SPON1: variants seen among roughly 807,000 people sequenced by gnomAD.
The protein encoded by SPON1 is spondin 1.
A neutral mutation model predicts 111.7 loss-of-function variants in SPON1; 52 were observed. That is an observed-to-expected ratio of 0.47 (90% CI 0.37 to 0.59). SPON1 has a LOEUF of 0.59. Ranked by LOEUF, SPON1 falls within the 20% of genes least tolerant of loss-of-function variation. The pLI, the probability that SPON1 is intolerant of heterozygous loss-of-function variation, is 0.00. For synonymous variants in SPON1, 410 were observed against 395.8 expected (o/e 1.04, Z -0.43); for missense variants, 957 against 1,068.5 (o/e 0.90, Z 1.46).
At position 14,079,989 on chromosome 11, in the gene SPON1, G is replaced by T; in HGVS notation, c.644G>T (p.Trp215Leu). 1.2e-6 allele frequency: 2 copies of T among 1,613,918 alleles called. No individual in the cohort carries two copies. The highest frequency in any genetic ancestry group is 1.7e-6 in the Non-Finnish European group (2 of 1,179,876). ...AKYRLTFYGN[W>L]SEKTHPKDYP... ...TACAGACTCACATTTTATGGGAATT[G>T]GTCCGAGAAGACACACCCAAAGGAT... Residue 215 changes from tryptophan (W) to leucine (L), a missense_variant, in exon 5 of 16, where the codon TGG (tryptophan) becomes TTG (leucine). By Grantham distance (61) the Trp-to-Leu change is moderately conservative. Coordinates refer to ENST00000576479, the MANE Select transcript of SPON1 (RefSeq NM_006108.4).
chr11:14,233,841 C>A (rs7124139), intron 6 of SPON1, among the ~76,000 whole-genome samples: 2 of 146,860 alleles, frequency 1.4e-5, no homozygotes, highest in Admixed American at 7.0e-5. Flanking sequence ...CAGCTCACTG[C>A]GACCTCTGCC....
chr11:14,164,629 A>T (rs566686455), intron 6 of SPON1, among the ~76,000 whole-genome samples: 6 of 152,332 alleles, frequency 3.9e-5, no homozygotes, highest in Non-Finnish European at 8.8e-5. Flanking sequence ...CATCTTGCCC[A>T]CTGCCTAGAT....
Position 14,187,067 on chromosome 11 carries a change from G to A in SPON1, c.825+51499G>A, listed in dbSNP as rs117028899. 4.4e-3 allele frequency among the ~76,000 whole-genome samples: 665 copies of A among 152,294 alleles called. 28 individuals are homozygous for A. The East Asian group carries it at 0.11, about 25-fold the overall frequency. The stretch of plus-strand genomic sequence containing the variant: ...TGGCATCTGCTCGGCTTCCGGTGAG[G>A]TCTCAGGAAGCTTTTACTCATGACG... On this transcript the variant is annotated intron_variant, in intron 6 of 15. Transcript: ENST00000576479.
rs150482730 is a variant in SPON1 at position 14,217,062 on chromosome 11, G to A, written c.826-26270G>A. ...AAGCCATTCCCTAGGAGAAGGTGGCGTGCGTCATAGGTGTTTGCTGGACTT... is the reference window on the plus strand; with the variant it reads ...AAGCCATTCCCTAGGAGAAGGTGGCATGCGTCATAGGTGTTTGCTGGACTT... On this transcript the variant is annotated intron_variant, in intron 6 of 15. Coordinates refer to ENST00000576479, the MANE Select transcript of SPON1 (RefSeq NM_006108.4). 4.6e-3 allele frequency among the ~76,000 whole-genome samples: 693 copies of A among 152,280 alleles called. 2 individuals are homozygous for A. Among genetic ancestry groups the A allele is most frequent in the Non-Finnish European group, 7.6e-3 (518 of 68,030 alleles).
chr11:14,261,237 T>G (rs1290903459), intron 14 of SPON1, among the ~76,000 whole-genome samples: 3 of 152,090 alleles, frequency 2.0e-5, no homozygotes, highest in Non-Finnish European at 2.9e-5. Context: ...CCCGCTCCAC[T>G]CCCAGTCCTG....
At chr11:14,117,624 G>A (rs1312642781) in intron 5 of SPON1, among the ~76,000 whole-genome samples, 3 of 152,140 alleles carry the variant, frequency 2.0e-5, no homozygotes, top group African/African-American at 4.8e-5. Flanking sequence ...AAGAGATTGG[G>A]CTTCCATCTT....
intron 6 of SPON1, among the ~76,000 whole-genome samples, chr11:14,137,505 C>T (rs1554928228): frequency 6.6e-6 from 1 of 152,124 alleles, no homozygotes; most frequent in East Asian, 1.9e-4. Context: ...CTACTTTTCG[C>T]CCCCCTCACA....
At chr11:14,036,463 C>T (rs1274400638) in intron 2 of SPON1, among the ~76,000 whole-genome samples, 1 of 152,070 alleles carries the variant, frequency 6.6e-6, no homozygotes, top group Non-Finnish European at 1.5e-5. Context: ...TTCCGACTTG[C>T]ACAATTGGAG....
At position 13,970,618 on chromosome 11, in the gene SPON1, T is replaced by TC. The variant is rs537741858; in HGVS notation, c.238+7482dup. Among the ~76,000 whole-genome samples, 76 of 152,144 alleles carry TC rather than the reference T, an allele frequency of 5.0e-4. 1 individual carries two copies. The South Asian group carries it at 0.016, about 31-fold the overall frequency. On this transcript the variant is annotated intron_variant, in intron 1 of 15. Coordinates refer to ENST00000576479, the MANE Select transcript of SPON1 (RefSeq NM_006108.4). The stretch of plus-strand genomic sequence containing the variant: ...CTCTTCCTCCTCCTCCTCCTTGTCC[T>TC]CCCCCCAACTCCTGCCAACACTATC...
intron 6 of SPON1, among the ~76,000 whole-genome samples, chr11:14,239,379 T>C (rs546190241): frequency 6.6e-6 from 1 of 152,310 alleles, no homozygotes; most frequent in East Asian, 1.9e-4. Context: ...AAGATCCTCT[T>C]TTTACCCTAT....
chr11:14,086,602 AT>A (rs1184248985), intron 5 of SPON1, among the ~76,000 whole-genome samples: 1 of 151,946 alleles, frequency 6.6e-6, no homozygotes, highest in Non-Finnish European at 1.5e-5. Context: ...TTGACCTAAA[AT>A]TTTCTTTTTT....
In SPON1 at chr11:14,257,802, C is replaced by CT; in HGVS notation, c.1396_1397insT (p.Arg466LeufsTer17). The CT allele has an allele frequency of 6.2e-7, 1 of 1,611,080 alleles. No homozygotes were observed. ...CACCTGTGACAAAGGCAAGAGGATG[C>CT]GACAGCGCATGCTGAAAGCACAGCT... On this transcript the variant is annotated frameshift_variant, in exon 11 of 16. Transcript: ENST00000576479. LOFTEE classifies it high-confidence loss of function.
intron 15 of SPON1, among the ~76,000 whole-genome samples, chr11:14,263,732 GA>G (rs1849218673): frequency 1.3e-5 from 2 of 152,126 alleles, no homozygotes; most frequent in Admixed American, 1.3e-4. Flanking sequence ...TTGCCACTTA[GA>G]AAAGTACATT....
At chr11:14,248,231 A>G (rs782204226) in intron 7 of SPON1, among the ~76,000 whole-genome samples, 38 of 152,248 alleles carry the variant, frequency 2.5e-4, no homozygotes, top group Admixed American at 1.4e-3. Context: ...GATGAGGGGG[A>G]AAAACAGCCC....
At chr11:14,170,353 G>C (rs1288581684) in intron 6 of SPON1, among the ~76,000 whole-genome samples, 2 of 152,142 alleles carry the variant, frequency 1.3e-5, no homozygotes, top group East Asian at 1.9e-4. Flanking sequence ...TTTGTATCCT[G>C]AGACTTTGCT....
At chr11:14,033,370 T>A (rs1187345842) in intron 2 of SPON1, among the ~76,000 whole-genome samples, 1 of 152,194 alleles carries the variant, frequency 6.6e-6, no homozygotes, top group Non-Finnish European at 1.5e-5. Context: ...GTTAGAACGC[T>A]TGCAACTTCC....
rs575320173 is a variant in SPON1 at position 13,990,284 on chromosome 11, C to T, written c.345+7331C>T. 2.7e-5 allele frequency among the ~76,000 whole-genome samples: 4 copies of T among 150,534 alleles called. No homozygotes were observed. In the East Asian group the frequency reaches 5.9e-4, roughly 22 times the overall value. On this transcript the variant is annotated intron_variant, in intron 2 of 15. Coordinates refer to ENST00000576479, the MANE Select transcript of SPON1 (RefSeq NM_006108.4). ...TTAGCTCTTCTTGCTGCATTGATCC[C>T]TTTACCATTCTGTAATGCCCTTCTT...
chr11:13,972,738 T>A lies in SPON1; in HGVS notation c.238+9596T>A, dbSNP rs564817640. Among the ~76,000 whole-genome samples the A allele has an allele frequency of 2.6e-5, 4 of 152,342 alleles. No individual in the cohort carries two copies. The South Asian group carries it at 8.3e-4, about 32-fold the overall frequency. ...TCTGAATACTGTTTCCTGAGCCTGC[T>A]GGTGATTCTTGTAGTTTAGGCAGAG... On this transcript the variant is annotated intron_variant, in intron 1 of 15. Coordinates refer to ENST00000576479, the MANE Select transcript of SPON1 (RefSeq NM_006108.4).
At chr11:14,168,479 T>G (rs1210733548) in intron 6 of SPON1, among the ~76,000 whole-genome samples, 2 of 152,130 alleles carry the variant, frequency 1.3e-5, no homozygotes, top group Non-Finnish European at 2.9e-5. Context: ...GAAGATTCAA[T>G]GCTTGTAAAA....
Sources: gnomAD v4.1 joint callset for allele counts (sites outside exome capture counted in the v4.1 genomes callset) on GRCh38, gnomAD v4.1.1 for gene constraint, MANE v1.5 for transcripts, NCBI Gene and HGNC (gene_info 2026-07-23, HGNC 2026-07-21) for gene names.